The following PCDH11Y variants were observed in gnomAD, a reference collection of about 807,000 sequenced individuals.
PCDH11Y encodes protocadherin-11 Y-linked.
For missense variants in PCDH11Y, 12 were observed against 224.8 expected (o/e 0.05, Z 6.05); for synonymous variants, 9 against 83.6 (o/e 0.11, Z 4.87).
At chrY:5,108,481 C>T (rs2052797223), downstream of PCDH11Y, among the ~76,000 whole-genome samples, 1 of 32,940 alleles carries the variant, frequency 3.0e-5, no homozygotes, top group Non-Finnish European at 7.5e-5. Flanking sequence ...GGCGTGGTGG[C>T]TTATGCCTGT....
At chrY:5,476,169 T>C in intron 2 of PCDH11Y, among the ~76,000 whole-genome samples, 2 of 31,684 alleles carry the variant, frequency 6.3e-5, no homozygotes, top group Non-Finnish European at 1.5e-4. Flanking sequence ...TTTCTATGAC[T>C]CTTTTACCTC....
intron 2 of PCDH11Y, among the ~76,000 whole-genome samples, chrY:5,415,539 G>T (rs2053252304): frequency 3.4e-5 from 1 of 29,771 alleles, no homozygotes; most frequent in Non-Finnish European, 8.0e-5. Flanking sequence ...CTGCAAGTAG[G>T]CGTGGCCAGG....
At chrY:5,500,764 G>C in intron 2 of PCDH11Y, among the ~76,000 whole-genome samples, 1 of 33,812 alleles carries the variant, frequency 3.0e-5, no homozygotes, top group Non-Finnish European at 7.3e-5. Flanking sequence ...GGAATTTCCA[G>C]TTTGCTCAAA....
At chrY:5,546,286 C>T (rs2053412983) in intron 3 of PCDH11Y, among the ~76,000 whole-genome samples, 1 of 32,216 alleles carries the variant, frequency 3.1e-5, no homozygotes, top group Non-Finnish European at 7.7e-5. Flanking sequence ...TTTTAAAGAG[C>T]TATTATTGTA....
At chrY:5,433,981 A>G in intron 2 of PCDH11Y, among the ~76,000 whole-genome samples, 1 of 33,458 alleles carries the variant, frequency 3.0e-5, no homozygotes. Context: ...TAATACTGAT[A>G]AGTAGATCAA....
At chrY:5,015,242 C>A (rs2052559798) in intron 1 of PCDH11Y, among the ~76,000 whole-genome samples, 1 of 33,432 alleles carries the variant, frequency 3.0e-5, no homozygotes, top group African/African-American at 1.2e-4. Context: ...TTTCTTTTGT[C>A]CATTTCTGTT....
At chrY:5,563,134 A>G (rs2053430966) in intron 3 of PCDH11Y, among the ~76,000 whole-genome samples, 1 of 33,340 alleles carries the variant, frequency 3.0e-5, no homozygotes, top group African/African-American at 1.2e-4. Context: ...ATCATACATG[A>G]GAGCTCAAAT....
chrY:5,621,778 A>G (rs2053500486), intron 4 of PCDH11Y, among the ~76,000 whole-genome samples: 1 of 32,274 alleles, frequency 3.1e-5, no homozygotes, highest in South Asian at 7.0e-4. Flanking sequence ...CCTGACAAAA[A>G]CAAGCAATGG....
At chrY:5,294,683 T>G in intron 2 of PCDH11Y, among the ~76,000 whole-genome samples, 1 of 33,259 alleles carries the variant, frequency 3.0e-5, no homozygotes, top group Non-Finnish European at 7.4e-5. Flanking sequence ...TTGTTTTTCT[T>G]TATGTCTTAT....
intron 2 of PCDH11Y, among the ~76,000 whole-genome samples, chrY:5,428,825 C>T: frequency 3.1e-5 from 1 of 32,539 alleles, no homozygotes; most frequent in South Asian, 6.9e-4. Context: ...TTTTTCAGCT[C>T]CATTATAATC....
chrY:5,114,671 GA>G (rs2124639272), intron 2 of PCDH11Y: 1 of 31,743 alleles, frequency 3.2e-5, no homozygotes, highest in African/African-American at 1.3e-4. Flanking sequence ...CTCCTGACCT[GA>G]AGTGATCCGC....
intron 2 of PCDH11Y, among the ~76,000 whole-genome samples, chrY:5,200,366 G>C: frequency 3.1e-5 from 1 of 32,216 alleles, no homozygotes; most frequent in East Asian, 8.3e-4. Context: ...CCAAATGAAA[G>C]AAGACACTTA....
At chrY:5,541,090 A>C in intron 3 of PCDH11Y, among the ~76,000 whole-genome samples, 1 of 35,212 alleles carries the variant, frequency 2.8e-5, no homozygotes, top group Non-Finnish European at 7.2e-5. Context: ...TAAAAGAGAT[A>C]TGGAAAAATT....
At chrY:5,075,405 ATCCTTTGTGTTACAC>A (rs2052706847) in intron 1 of PCDH11Y, among the ~76,000 whole-genome samples, 2 of 33,557 alleles carry the variant, frequency 6.0e-5, no homozygotes, top group African/African-American at 2.3e-4. Context: ...TCAAGCATTT[ATCCTTTGTGTTACAC>A]ACAATCCAAT....
chrY:5,672,571 A>T, intron 4 of PCDH11Y, among the ~76,000 whole-genome samples: 5 of 31,577 alleles, frequency 1.6e-4, no homozygotes, highest in Admixed American at 1.5e-3. Flanking sequence ...ATAGTTGCTC[A>T]TAGTAGCCAC....
intron 1 of PCDH11Y, among the ~76,000 whole-genome samples, chrY:5,096,688 ATTTTTTTTTTTTTTTTTT>A (rs1451630867): frequency 3.1e-4 from 1 of 3,201 alleles, no homozygotes. Flanking sequence ...CAGGGAGGGG[ATTTTTTTTTTTTTTTTTT>A]TTTTTTTTTT....
At chrY:5,377,525 C>A in intron 2 of PCDH11Y, among the ~76,000 whole-genome samples, 1 of 33,366 alleles carries the variant, frequency 3.0e-5, no homozygotes, top group Non-Finnish European at 7.4e-5. Context: ...ACTTTTGTTT[C>A]AAGAGTCTTT....
At chrY:5,406,298 T>C in intron 2 of PCDH11Y, among the ~76,000 whole-genome samples, 2 of 33,689 alleles carry the variant, frequency 5.9e-5, no homozygotes, top group African/African-American at 1.2e-4. Flanking sequence ...ATGCATCACT[T>C]TGGTTGTTAG....
chrY:5,258,416 C>CT (rs751578964), intron 2 of PCDH11Y, among the ~76,000 whole-genome samples: 1,495 of 26,641 alleles, frequency 0.056, no homozygotes, highest in South Asian at 0.27. Flanking sequence ...TTTTCTTTTT[C>CT]TTTTTTTTTT....
Sources: gnomAD v4.1 joint callset for allele counts (sites outside exome capture counted in the v4.1 genomes callset) on GRCh38, gnomAD v4.1.1 for gene constraint, MANE v1.5 for transcripts, NCBI Gene and HGNC (gene_info 2026-07-23, HGNC 2026-07-21) for gene names.